SMARCC1: variants seen among roughly 807,000 people sequenced by gnomAD.
SMARCC1 encodes SWI/SNF complex subunit SMARCC1.
SMARCC1 carries 43 observed loss-of-function variants against 147.4 expected under a neutral mutation model. The observed-to-expected ratio is 0.29, with a 90% CI of 0.23 to 0.38. The LOEUF (loss-of-function observed/expected upper bound fraction) is 0.38. SMARCC1 is among the 10% of genes least tolerant of loss of function. SMARCC1 has a pLI of 1.00. For synonymous variants in SMARCC1, 495 were observed against 484.4 expected, an observed-to-expected ratio of 1.02 and a Z score of -0.29; for missense variants, 1,119 against 1,381.1, an observed-to-expected ratio of 0.81 and a Z score of 3.01.
Position 47,755,644 on chromosome 3 carries a change from G to C in SMARCC1, c.316-9651C>G, listed in dbSNP as rs570535844. 8.6e-5 allele frequency among the ~76,000 whole-genome samples: 13 copies of C among 151,798 alleles called. 1 individual carries two copies. In the South Asian group the frequency reaches 2.7e-3, roughly 32 times the overall value. Reference sequence around the variant, plus strand: ...GTGGTCAAGGCGGGCGGATCATGAGGTCAGGAGTTCGAGACCACCCTAGCC... The same window carrying C: ...GTGGTCAAGGCGGGCGGATCATGAGCTCAGGAGTTCGAGACCACCCTAGCC... On this transcript the variant is annotated intron_variant, in intron 2 of 27. Transcript: ENST00000254480.
intron 25 of SMARCC1, among the ~76,000 whole-genome samples, chr3:47,612,358 G>A (rs1479023667): frequency 6.6e-6 from 1 of 152,166 alleles, no homozygotes; most frequent in Non-Finnish European, 1.5e-5. Flanking sequence ...TTTGTTGAGT[G>A]ACTACTGGTC....
intron 21 of SMARCC1, among the ~76,000 whole-genome samples, chr3:47,660,463 A>G (rs1306613588): frequency 1.3e-5 from 2 of 151,192 alleles, no homozygotes; most frequent in East Asian, 1.9e-4. Context: ...AAAAAAAAAA[A>G]AAAAAAGTGG....
chr3:47,640,156 A>G (rs1413640342), intron 21 of SMARCC1, among the ~76,000 whole-genome samples: 3 of 152,214 alleles, frequency 2.0e-5, no homozygotes, highest in African/African-American at 7.2e-5. Flanking sequence ...CTTAAATCAG[A>G]AAAGAAATAA....
intron 2 of SMARCC1, among the ~76,000 whole-genome samples, chr3:47,760,051 C>T (rs1263130905): frequency 1.3e-5 from 2 of 152,098 alleles, no homozygotes; most frequent in Non-Finnish European, 1.5e-5. Flanking sequence ...TGGTGGCTCA[C>T]GCCTGAAATC....
In SMARCC1 at chr3:47,737,678, C is replaced by T. The variant is rs140307115; in HGVS notation, c.483+351G>A. Among the ~76,000 whole-genome samples, 653 of 151,934 alleles carry T rather than the reference C, an allele frequency of 4.3e-3. 4 individuals carry two copies. Among genetic ancestry groups the T allele is most frequent in the African/African-American group, 0.015 (616 of 41,448 alleles). ...TTTTTTTTGTTTTTGTTGTTTGAGACGGAGTCTCGCTCTGTTGCCCAGGCT... is the reference window on the plus strand; with the variant it reads ...TTTTTTTTGTTTTTGTTGTTTGAGATGGAGTCTCGCTCTGTTGCCCAGGCT... On this transcript the variant is annotated intron_variant, in intron 4 of 27. Transcript: ENST00000254480.
chr3:47,708,281 C>T (rs186497244), intron 9 of SMARCC1, among the ~76,000 whole-genome samples: 1 of 151,444 alleles, frequency 6.6e-6, no homozygotes, highest in Non-Finnish European at 1.5e-5. Flanking sequence ...GCTGGGACTA[C>T]AGTTGCGCAC....
intron 2 of SMARCC1, among the ~76,000 whole-genome samples, chr3:47,756,138 C>A (rs974620363): frequency 1.3e-5 from 2 of 151,764 alleles, no homozygotes; most frequent in African/African-American, 4.8e-5. Context: ...CGCGCCATTG[C>A]ACTCCAGCCT....
intron 9 of SMARCC1, among the ~76,000 whole-genome samples, chr3:47,708,096 T>TTTTC (rs2034036382): frequency 8.9e-6 from 1 of 112,590 alleles, no homozygotes. Context: ...TTTTTTTTTT[T>TTTTC]TTTTTTTTTT....
At chr3:47,767,198 A>AG (rs2034850564) in intron 2 of SMARCC1, among the ~76,000 whole-genome samples, 1 of 148,692 alleles carries the variant, frequency 6.7e-6, no homozygotes, top group Admixed American at 6.7e-5. Context: ...AGAAAAAAAA[A>AG]AAAAAAAAAA....
In SMARCC1 at chr3:47,659,761, G is replaced by GGC. The variant is rs1491168795; in HGVS notation, c.2320+1532_2320+1533insGC. 7.9e-4 allele frequency among the ~76,000 whole-genome samples: 8 copies of GGC among 10,190 alleles called. 2 individuals carry two copies. Among genetic ancestry groups the GGC allele is most frequent in the Non-Finnish European group, 1.6e-3 (8 of 5,022 alleles). The allele number at this position is 10,190 out of a possible 152,430, so 6.7% of individuals were successfully genotyped here. A position where few individuals can be genotyped will look rare whatever the true frequency, so the allele number is the denominator to read the frequency against. ...ATAAAGTCTACTAAGAAAAAAAAAA[G>GGC]GGGGGGGGGGCAAGAATCTGAGTAG... On this transcript the variant is annotated intron_variant, in intron 21 of 27. Coordinates refer to ENST00000254480, the MANE Select transcript of SMARCC1 (RefSeq NM_003074.4).
intron 9 of SMARCC1, among the ~76,000 whole-genome samples, chr3:47,709,266 A>G (rs1037337940): frequency 1.3e-5 from 2 of 150,552 alleles, no homozygotes; most frequent in African/African-American, 2.4e-5. Context: ...TTGTCAAGGG[A>G]AAAAAAAAAT....
intron 15 of SMARCC1, among the ~76,000 whole-genome samples, chr3:47,680,059 A>T (rs1272487734): frequency 6.6e-6 from 1 of 152,112 alleles, no homozygotes; most frequent in East Asian, 1.9e-4. Flanking sequence ...ACAGATAGAT[A>T]GATAAATAAA....
chr3:47,674,072 C>G (rs1266056220), intron 18 of SMARCC1, among the ~76,000 whole-genome samples: 1 of 152,200 alleles, frequency 6.6e-6, no homozygotes, highest in Non-Finnish European at 1.5e-5. Context: ...TGAATCAGGA[C>G]TTTTGTCATG....
intron 21 of SMARCC1, among the ~76,000 whole-genome samples, chr3:47,660,327 T>C (rs1164787684): frequency 2.6e-5 from 4 of 151,144 alleles, no homozygotes; most frequent in Non-Finnish European, 5.9e-5. Context: ...GCGCCTGTAG[T>C]CCCAGCTACT....
At chr3:47,707,367 C>T (rs1293915265) in intron 9 of SMARCC1, among the ~76,000 whole-genome samples, 1 of 150,122 alleles carries the variant, frequency 6.7e-6, no homozygotes, top group African/African-American at 2.4e-5. Flanking sequence ...TCCCGGCTTG[C>T]AGATGATACA....
chr3:47,633,226 C>T (rs756681609), intron 24 of SMARCC1, among the ~76,000 whole-genome samples: 1 of 152,032 alleles, frequency 6.6e-6, no homozygotes, highest in African/African-American at 2.4e-5. Context: ...ACATTGGCTG[C>T]GGGTTAGAGA....
At chr3:47,647,933 C>T (rs2033139442) in intron 21 of SMARCC1, among the ~76,000 whole-genome samples, 1 of 152,196 alleles carries the variant, frequency 6.6e-6, no homozygotes, top group Non-Finnish European at 1.5e-5. Flanking sequence ...GTTTCTGTGA[C>T]TTCAATCACA....
At chr3:47,728,020 G>A (rs947623128) in intron 6 of SMARCC1, among the ~76,000 whole-genome samples, 5 of 148,396 alleles carry the variant, frequency 3.4e-5, no homozygotes, top group Non-Finnish European at 7.4e-5. Context: ...TCAGCCTCCA[G>A]AGGAGCTGGA....
chr3:47,764,823 T>C (rs755085246), intron 2 of SMARCC1, among the ~76,000 whole-genome samples: 2 of 152,248 alleles, frequency 1.3e-5, no homozygotes, highest in Non-Finnish European at 1.5e-5. Context: ...GTTTTCTCCA[T>C]GTTGGCAAAT....
Sources: allele counts gnomAD v4.1 joint callset (sites outside exome capture counted in the v4.1 genomes callset), GRCh38; gene constraint gnomAD v4.1.1; transcripts MANE v1.5; gene names NCBI Gene and HGNC (gene_info 2026-07-23, HGNC 2026-07-21).